Variants in WWP1 observed in about 807,000 individuals in gnomAD.
WWP1 encodes NEDD4-like E3 ubiquitin-protein ligase WWP1.
WWP1 carries 49 observed loss-of-function variants against 130.6 expected under a neutral mutation model. The ratio of observed to expected loss-of-function variants is 0.38; its 90% CI spans 0.30 to 0.48. The LOEUF (loss-of-function observed/expected upper bound fraction) is 0.48, where lower values mean the gene tolerates loss of function less well. Among genes scored for constraint, WWP1 ranks in the 20% least tolerant of loss-of-function variants. The probability of loss-of-function intolerance (pLI) is 0.99; values close to 1 mark genes in which losing one functional copy is unlikely to be tolerated. For missense variants in WWP1, 809 were observed against 1,100.6 expected (o/e 0.74, Z 3.75); for synonymous variants, 332 against 367.8 (o/e 0.90, Z 1.11).
At chr8:86,449,568 A>C (rs935057202) in intron 20 of WWP1, among the ~76,000 whole-genome samples, 4 of 152,114 alleles carry the variant, frequency 2.6e-5, no homozygotes, top group Non-Finnish European at 4.4e-5. Flanking sequence ...AATGCTGGAC[A>C]AAAAAACCAG....
intron 18 of WWP1, among the ~76,000 whole-genome samples, 160 bp from the exon 19 acceptor site, chr8:86,447,988 C>A (rs973503937): frequency 5.9e-5 from 9 of 151,942 alleles, no homozygotes; most frequent in African/African-American, 2.2e-4. Flanking sequence ...GTTTTTCATA[C>A]CTAGCATTTT....
chr8:86,431,854 A>G lies in WWP1; in HGVS notation c.1601+111A>G. ...AACATTTTACTTTTTGGTTCAAGAA[A>G]ACCTACACAAGTGAAACCTTAGTAT... On this transcript the variant is annotated intron_variant, in intron 14 of 24. Coordinates refer to ENST00000517970, the MANE Select transcript of WWP1 (RefSeq NM_007013.4). 3.5e-6 allele frequency: 5 copies of G among 1,421,872 alleles called. No homozygotes were observed. The South Asian group carries it at 4.1e-5, about 12-fold the overall frequency. The allele number at this position is 1,421,872 out of a possible 1,614,324, so 88.1% of individuals were successfully genotyped here. A position where few individuals can be genotyped will look rare whatever the true frequency, so the allele number is the denominator to read the frequency against.
intron 18 of WWP1, among the ~76,000 whole-genome samples, chr8:86,444,079 G>A (rs1200481109): frequency 2.0e-5 from 3 of 152,216 alleles, no homozygotes; most frequent in Non-Finnish European, 2.9e-5. Context: ...ATGGATAGAA[G>A]CAGGAAAATC....
intron 3 of WWP1, among the ~76,000 whole-genome samples, chr8:86,378,630 GT>G (rs1262439041): frequency 1.3e-5 from 2 of 152,020 alleles, no homozygotes; most frequent in Admixed American, 1.3e-4. Flanking sequence ...TTGTCTTCTA[GT>G]TATTTAAAAT....
rs61141803 is a variant in WWP1, at chr8:86,451,214, T to TAAAAAAA, written c.2274-1312_2274-1306dup. 2.8e-3 allele frequency among the ~76,000 whole-genome samples: 123 copies of TAAAAAAA among 43,658 alleles called. 10 individuals carry two copies. The highest frequency in any genetic ancestry group is 0.019 in the Middle Eastern group (1 of 52). The allele number at this position is 43,658 out of a possible 152,430, so 28.6% of individuals were successfully genotyped here. ...GCAACCGAGTGAGACCCTATGTTAT[T>TAAAAAAA]AAAAAAAAAAAAAAAAAAAAAAAAA... is the stretch of plus-strand genomic sequence containing the variant. On this transcript the variant is annotated intron_variant, in intron 20 of 24. Coordinates refer to ENST00000517970, the MANE Select transcript of WWP1 (RefSeq NM_007013.4).
intron 9 of WWP1, among the ~76,000 whole-genome samples, chr8:86,423,830 G>A (rs531423234): frequency 7.3e-6 from 1 of 136,652 alleles, no homozygotes; most frequent in Admixed American, 7.2e-5. Context: ...CCACCTCCCG[G>A]ACGGGGCGGC....
rs766813425 is a variant in WWP1, at chr8:86,461,233, GAGAC to G, written c.2515_2518del (p.Asp839MetfsTer3). 4 of 1,613,648 alleles carry G rather than the reference GAGAC, an allele frequency of 2.5e-6. No homozygotes were observed. The African/African-American group carries it at 4.0e-5, about 16-fold the overall frequency. ...TTTAATTTCATTACAGTTTGTGAAA[GAGAC>G]AGACAATGAAGTAAGAATGCGACTA... is the stretch of plus-strand genomic sequence containing the variant. On this transcript the variant is annotated frameshift_variant, in exon 23 of 25. Coordinates refer to ENST00000517970, the MANE Select transcript of WWP1 (RefSeq NM_007013.4). LOFTEE classifies it high-confidence loss of function.
intron 2 of WWP1, among the ~76,000 whole-genome samples, chr8:86,373,061 T>A (rs1406202503): frequency 8.0e-6 from 1 of 124,340 alleles, no homozygotes; most frequent in African/African-American, 3.3e-5. Context: ...TGTTTTTCAG[T>A]TCTTAGTTTG....
chr8:86,356,268 C>T (rs1823253316), intron 1 of WWP1, among the ~76,000 whole-genome samples: 1 of 152,054 alleles, frequency 6.6e-6, no homozygotes, highest in South Asian at 2.1e-4. Context: ...AGTATATACA[C>T]ATCTCTTTTT....
Position 86,467,073 on chromosome 8 carries a change from T to C in WWP1, c.*180T>C. 2.0e-6 allele frequency: 1 copy of C among 505,318 alleles called. No homozygotes were observed. Among genetic ancestry groups the C allele is most frequent in the Non-Finnish European group, 3.5e-6 (1 of 289,730 alleles). 31.3% of individuals were successfully genotyped at this position (505,318 alleles called of 1,614,324 possible). A position where few individuals can be genotyped will look rare whatever the true frequency, so the allele number is the denominator to read the frequency against. On this transcript the variant is annotated 3_prime_UTR_variant, in exon 25 of 25. Coordinates refer to ENST00000517970, the MANE Select transcript of WWP1 (RefSeq NM_007013.4). ...GTTCATCCTTTTCTACTTTATTTAT[T>C]GTTCCCTTGAAATGACTGACCAGGA...
chr8:86,367,341 C>T (rs530888470), intron 1 of WWP1, among the ~76,000 whole-genome samples: 34 of 152,338 alleles, frequency 2.2e-4, no homozygotes, highest in Admixed American at 1.8e-3. Context: ...AGTCTTAACA[C>T]TGCAGAGTGT....
intron 8 of WWP1, among the ~76,000 whole-genome samples, chr8:86,411,008 A>G (rs1244785849): frequency 6.6e-6 from 1 of 152,346 alleles, no homozygotes; most frequent in African/African-American, 2.4e-5. Context: ...GAAAATTAGG[A>G]AAACTGTGTC....
At chr8:86,431,886 C>A (rs1052604961) in intron 14 of WWP1, 143 bp downstream of exon 14, 4 of 1,024,496 alleles carry the variant, frequency 3.9e-6, no homozygotes, top group African/African-American at 3.3e-5. Flanking sequence ...GTATAGCTGT[C>A]TTTGCTCTCA....
intron 9 of WWP1, chr8:86,417,428 A>C (rs2130600499): frequency 6.6e-6 from 1 of 152,326 alleles, no homozygotes; most frequent in Middle Eastern, 3.4e-3. Flanking sequence ...ACTTTAGAAA[A>C]TTAGAAATAA....
chr8:86,448,053 T>C (rs995507507), intron 18 of WWP1, 95 bp from the exon 19 acceptor site: 10 of 1,082,408 alleles, frequency 9.2e-6, no homozygotes, highest in Admixed American at 3.2e-5. Context: ...ATGCTTTGTT[T>C]ACTTGTGAAG....
rs11321240 is a variant in WWP1 at position 86,433,229 on chromosome 8, CTTT to C, written c.1601+1503_1601+1505del. ...GAGTCCTCCTTTTTTTCCTAAGCCTCTTTTTTTTTTTTTTTTTTTGTTAACTAC... is the reference window on the plus strand; with the variant it reads ...GAGTCCTCCTTTTTTTCCTAAGCCTCTTTTTTTTTTTTTTTTGTTAACTAC... On this transcript the variant is annotated intron_variant, in intron 14 of 24. Transcript: ENST00000517970. Among the ~76,000 whole-genome samples the C allele has an allele frequency of 4.7e-3, 560 of 119,038 alleles. 2 individuals are homozygous for C. Among genetic ancestry groups the C allele is most frequent in the African/African-American group, 0.016 (526 of 32,316 alleles). 78.1% of individuals were successfully genotyped at this position (119,038 alleles called of 152,430 possible). A position where few individuals can be genotyped will look rare whatever the true frequency, so the allele number is the denominator to read the frequency against.
At chr8:86,378,351 A>G (rs977348063) in intron 3 of WWP1, among the ~76,000 whole-genome samples, 11 of 151,948 alleles carry the variant, frequency 7.2e-5, no homozygotes, top group Non-Finnish European at 1.6e-4. Flanking sequence ...CTTTGTTTCC[A>G]TTGGTAAAGT....
intron 9 of WWP1, among the ~76,000 whole-genome samples, chr8:86,416,350 T>C (rs938264787): frequency 2.0e-5 from 3 of 152,012 alleles, no homozygotes; most frequent in Non-Finnish European, 4.4e-5. Flanking sequence ...TTTTGTAAAA[T>C]GGAAGAGACT....
At chr8:86,414,890 T>TCCCCCCCCCCCCCCCCCCCC (rs1222505171) in intron 9 of WWP1, among the ~76,000 whole-genome samples, 1 of 94,814 alleles carries the variant, frequency 1.1e-5, no homozygotes, top group African/African-American at 4.8e-5. Flanking sequence ...CCCCCCCCCA[T>TCCCCCCCCCCCCCCCCCCCC]CCCCCCACCC....
Sources: allele counts gnomAD v4.1 joint callset (sites outside exome capture counted in the v4.1 genomes callset), GRCh38; gene constraint gnomAD v4.1.1; transcripts MANE v1.5; gene names NCBI Gene and HGNC (gene_info 2026-07-23, HGNC 2026-07-21).